KIAA1217: variants seen among roughly 807,000 people sequenced by gnomAD.
KIAA1217 encodes the protein KIAA1217, also known as sickle tail protein homolog.
A neutral mutation model predicts 163.9 loss-of-function variants in KIAA1217; 88 were observed. That is an observed-to-expected ratio of 0.54 (90% CI 0.45 to 0.64). The LOEUF (loss-of-function observed/expected upper bound fraction) is 0.64, where lower values mean the gene tolerates loss of function less well. KIAA1217 is among the 30% of genes least tolerant of loss of function. The pLI, the probability that KIAA1217 is intolerant of heterozygous loss-of-function variation, is 0.00. For synonymous variants in KIAA1217, 903 were observed against 923.1 expected (o/e 0.98, Z 0.39); for missense variants, 2,372 against 2,475.0 (o/e 0.96, Z 0.88).
chr10:24,537,486 A>G (rs1467494624), intron 17 of KIAA1217, among the ~76,000 whole-genome samples: 1 of 151,844 alleles, frequency 6.6e-6, no homozygotes, highest in Non-Finnish European at 1.5e-5. Context: ...CTGAGGCAGG[A>G]GGATCGCTTG....
chr10:23,837,412 A>G (rs1352846461), intron 1 of KIAA1217, among the ~76,000 whole-genome samples: 2 of 152,162 alleles, frequency 1.3e-5, no homozygotes, highest in Admixed American at 1.3e-4. Flanking sequence ...GACCTTAGTA[A>G]TTTAATAATC....
chr10:23,986,914 T>A (rs1845994551), intron 1 of KIAA1217, among the ~76,000 whole-genome samples: 1 of 152,208 alleles, frequency 6.6e-6, no homozygotes, highest in Admixed American at 6.5e-5. Context: ...ATACAACGGT[T>A]AGCAAAGTGT....
chr10:24,470,962 C>T (rs773854539), intron 5 of KIAA1217, among the ~76,000 whole-genome samples: 2 of 152,172 alleles, frequency 1.3e-5, no homozygotes, highest in Non-Finnish European at 1.5e-5. Flanking sequence ...GTGCCCTCTC[C>T]ATGGCGCTTG....
chr10:23,822,706 A>T (rs1256372270), intron 1 of KIAA1217, among the ~76,000 whole-genome samples: 2 of 152,186 alleles, frequency 1.3e-5, no homozygotes, highest in Non-Finnish European at 2.9e-5. Flanking sequence ...GCTTAAAGAA[A>T]CAAAATGCTT....
chr10:24,362,947 G>A (rs10741054), intron 2 of KIAA1217, among the ~76,000 whole-genome samples: 94,702 of 149,060 alleles, frequency 0.64, 30,542 homozygotes, highest in South Asian at 0.77. Context: ...TAAAAAAAAA[G>A]AAGAAGAAGA....
At chr10:24,039,797 GATAGATATAGAT>G (rs71923161) in intron 2 of KIAA1217, among the ~76,000 whole-genome samples, 11,981 of 147,532 alleles carry the variant, frequency 0.081, 673 homozygotes, top group African/African-American at 0.15. Flanking sequence ...TATAGATATA[GATAGATATAGAT>G]ATAGATATAG....
intron 1 of KIAA1217, among the ~76,000 whole-genome samples, chr10:23,926,214 G>T (rs531929837): frequency 1.2e-3 from 188 of 152,274 alleles, no homozygotes; most frequent in African/African-American, 4.3e-3. Context: ...GCCGGGATGG[G>T]TGGAGGGGGC....
chr10:24,039,416 A>G (rs1848532701), intron 2 of KIAA1217, among the ~76,000 whole-genome samples: 2 of 152,134 alleles, frequency 1.3e-5, no homozygotes, highest in Admixed American at 1.3e-4. Context: ...CAGGCTAGTG[A>G]TATACAACGC....
intron 17 of KIAA1217, 46 bp from the exon 18 acceptor site, chr10:24,542,644 TGGG>T: frequency 6.3e-7 from 1 of 1,597,440 alleles, no homozygotes; most frequent in South Asian, 1.1e-5. Flanking sequence ...TCCACTTTTT[TGGG>T]GGGATGTGGT....
rs186323572 is a variant in KIAA1217 at position 24,512,058 on chromosome 10, A to G, written c.2002-1201A>G. Among the ~76,000 whole-genome samples, 121 of 152,288 alleles carry G rather than the reference A, an allele frequency of 7.9e-4. 2 individuals carry two copies. The highest frequency in any genetic ancestry group is 2.8e-3 in the African/African-American group (115 of 41,574). ...TCGAACCCAGGCAGTCTTTCCCCAG[A>G]GGCCAGTTCATCACCATGCAGTGCT... On this transcript the variant is annotated intron_variant, in intron 9 of 20. Coordinates refer to ENST00000376454, the MANE Select transcript of KIAA1217 (RefSeq NM_019590.5).
intron 1 of KIAA1217, among the ~76,000 whole-genome samples, chr10:24,000,369 G>A (rs900250676): frequency 6.6e-6 from 1 of 152,094 alleles, no homozygotes; most frequent in Non-Finnish European, 1.5e-5. Flanking sequence ...TTTATAAGGG[G>A]TTTTTCCCCA....
upstream of KIAA1217, among the ~76,000 whole-genome samples, chr10:24,205,249 G>A (rs1209344031): frequency 1.4e-5 from 2 of 141,766 alleles, no homozygotes; most frequent in Non-Finnish European, 3.0e-5. Context: ...CTGCGGTCAG[G>A]AGTTCGAGAC....
At chr10:24,009,664 G>A (rs1847158604) in intron 2 of KIAA1217, among the ~76,000 whole-genome samples, 1 of 152,130 alleles carries the variant, frequency 6.6e-6, no homozygotes. Flanking sequence ...ATAGGACCCT[G>A]CAAAGTTGAA....
At chr10:23,946,722 A>C (rs1589126609) in intron 1 of KIAA1217, among the ~76,000 whole-genome samples, 1 of 152,322 alleles carries the variant, frequency 6.6e-6, no homozygotes, top group East Asian at 1.9e-4. Flanking sequence ...CCATAACAAC[A>C]CATCTTTCTG....
intron 1 of KIAA1217, among the ~76,000 whole-genome samples, chr10:23,901,857 G>C (rs990364270): frequency 6.8e-6 from 1 of 148,108 alleles, no homozygotes; most frequent in Non-Finnish European, 1.5e-5. Flanking sequence ...ATTGGAGTGA[G>C]TCGAGATTGT....
intron 1 of KIAA1217, among the ~76,000 whole-genome samples, chr10:23,707,298 G>T (rs1836953978): frequency 6.6e-6 from 1 of 152,072 alleles, no homozygotes; most frequent in Non-Finnish European, 1.5e-5. Context: ...AGTGAAGGAA[G>T]GCCAGTGCTG....
intron 1 of KIAA1217, among the ~76,000 whole-genome samples, chr10:23,967,899 ATGTGTGTGTG>A (rs58562978): frequency 4.2e-5 from 6 of 143,936 alleles, no homozygotes; most frequent in East Asian, 2.1e-4. Flanking sequence ...AATATATTAA[ATGTGTGTGTG>A]TGTGTGTGTG....
chr10:24,370,365 G>A (rs182194394), intron 2 of KIAA1217, among the ~76,000 whole-genome samples: 1 of 151,416 alleles, frequency 6.6e-6, no homozygotes, highest in Non-Finnish European at 1.5e-5. Flanking sequence ...TAAAATATAG[G>A]TACTATGATT....
chr10:24,370,621 A>G (rs1364126064), intron 2 of KIAA1217, among the ~76,000 whole-genome samples: 1 of 152,178 alleles, frequency 6.6e-6, no homozygotes, highest in East Asian at 1.9e-4. Context: ...TGTGTGACCC[A>G]GGCTGGAGTA....
Sources: allele counts gnomAD v4.1 joint callset (sites outside exome capture counted in the v4.1 genomes callset), GRCh38; gene constraint gnomAD v4.1.1; transcripts MANE v1.5; gene names NCBI Gene and HGNC (gene_info 2026-07-23, HGNC 2026-07-21).